The following LRP1B variants were observed in gnomAD, a reference collection of about 807,000 sequenced individuals.
LRP1B encodes the protein LDL receptor related protein 1B.
A neutral mutation model predicts 556.6 loss-of-function variants in LRP1B; 217 were observed. That is an observed-to-expected ratio of 0.39 (90% CI 0.35 to 0.44). The LOEUF is 0.44. Ranked by LOEUF, LRP1B falls within the 20% of genes least tolerant of loss-of-function variation. LRP1B has a pLI of 1.00. For synonymous variants in LRP1B, 2,047 were observed against 1,865.8 expected (o/e 1.10, Z -2.50); for missense variants, 5,053 against 5,620.8 (o/e 0.90, Z 3.23).
intron 15 of LRP1B, among the ~76,000 whole-genome samples, chr2:140,995,493 A>G (rs542104311): frequency 1.3e-5 from 2 of 152,164 alleles, no homozygotes; most frequent in East Asian, 3.9e-4. Flanking sequence ...ATACCACTTT[A>G]TATTTATGCT....
At chr2:141,053,866 C>T (rs538929422) in intron 10 of LRP1B, among the ~76,000 whole-genome samples, 33 of 150,582 alleles carry the variant, frequency 2.2e-4, no homozygotes, top group Admixed American at 4.0e-4. Context: ...TTCCCAAGTG[C>T]CATCCAGATC....
chr2:142,125,607 C>T (rs1242055427), intron 1 of LRP1B, among the ~76,000 whole-genome samples: 1 of 151,560 alleles, frequency 6.6e-6, no homozygotes, highest in African/African-American at 2.4e-5. Flanking sequence ...TAAAAATCTC[C>T]ATCCAAAATA....
intron 12 of LRP1B, among the ~76,000 whole-genome samples, chr2:141,016,167 A>G (rs1290057161): frequency 6.6e-6 from 1 of 152,108 alleles, no homozygotes; most frequent in East Asian, 1.9e-4. Flanking sequence ...TACTGGCTTC[A>G]TGCATTAATG....
At chr2:141,124,594 T>G (rs182387455) in intron 7 of LRP1B, among the ~76,000 whole-genome samples, 1 of 150,570 alleles carries the variant, frequency 6.6e-6, no homozygotes, top group East Asian at 2.0e-4. Flanking sequence ...TTTTCCAGCT[T>G]ACCTTTTACA....
chr2:140,922,276 T>C (rs1694757602), intron 21 of LRP1B, among the ~76,000 whole-genome samples: 1 of 106,566 alleles, frequency 9.4e-6, no homozygotes, highest in African/African-American at 2.8e-5. Context: ...GGTTTCCTAT[T>C]TGTATACACA....
chr2:141,862,696 C>T (rs926347249), intron 1 of LRP1B, among the ~76,000 whole-genome samples: 5 of 152,168 alleles, frequency 3.3e-5, no homozygotes, highest in African/African-American at 1.2e-4. Flanking sequence ...CATAAGCCAC[C>T]TTGCCCAGCA....
chr2:141,009,474 G>A (rs906490220), intron 14 of LRP1B, among the ~76,000 whole-genome samples: 1 of 151,806 alleles, frequency 6.6e-6, no homozygotes, highest in African/African-American at 2.4e-5. Context: ...ACTTATGTAA[G>A]TGTGTGTGTG....
At chr2:141,939,462 G>A (rs1700729780) in intron 1 of LRP1B, among the ~76,000 whole-genome samples, 1 of 151,972 alleles carries the variant, frequency 6.6e-6, no homozygotes, top group Non-Finnish European at 1.5e-5. Flanking sequence ...CAAACTCCAT[G>A]GTGTGTAAGA....
chr2:140,378,461 T>A (rs1043427821), intron 67 of LRP1B, among the ~76,000 whole-genome samples, 175 bp from the exon 68 acceptor site: 1 of 152,270 alleles, frequency 6.6e-6, no homozygotes, highest in South Asian at 2.1e-4. Flanking sequence ...ATATAATAAT[T>A]TTTCCAATTT....
At chr2:141,718,577 A>G (rs1421375310) in intron 2 of LRP1B, among the ~76,000 whole-genome samples, 1 of 152,222 alleles carries the variant, frequency 6.6e-6, no homozygotes, top group Non-Finnish European at 1.5e-5. Context: ...GTTCGTCTTC[A>G]TAGTGAGGGC....
chr2:141,015,570 A>T (rs1573983187), intron 13 of LRP1B, 126 bp downstream of exon 13: 1 of 747,920 alleles, frequency 1.3e-6, no homozygotes, highest in East Asian at 2.7e-5. Flanking sequence ...CAGCCACCCC[A>T]TGGAGACTAT....
chr2:141,879,413 A>G (rs994255576), intron 1 of LRP1B, among the ~76,000 whole-genome samples: 1 of 152,006 alleles, frequency 6.6e-6, no homozygotes, highest in Non-Finnish European at 1.5e-5. Flanking sequence ...ACAGACAAAA[A>G]TACATTAATT....
intron 6 of LRP1B, among the ~76,000 whole-genome samples, chr2:141,192,839 T>A (rs1489189708): frequency 1.3e-5 from 2 of 151,994 alleles, no homozygotes; most frequent in Non-Finnish European, 2.9e-5. Context: ...AAGTAGTATA[T>A]AAATACAAGC....
intron 2 of LRP1B, among the ~76,000 whole-genome samples, chr2:141,560,266 C>T (rs1686098100): frequency 6.6e-6 from 1 of 151,722 alleles, no homozygotes; most frequent in Non-Finnish European, 1.5e-5. Context: ...CTTCATTCTC[C>T]TTTCCCCAAG....
intron 9 of LRP1B, among the ~76,000 whole-genome samples, chr2:141,056,753 T>C (rs1391235405): frequency 6.6e-6 from 1 of 151,926 alleles, no homozygotes; most frequent in African/African-American, 2.4e-5. Context: ...AAATGTGACC[T>C]GTCTGTCAAT....
At chr2:141,823,108 T>C (rs1696808251) in intron 1 of LRP1B, among the ~76,000 whole-genome samples, 1 of 152,102 alleles carries the variant, frequency 6.6e-6, no homozygotes, top group African/African-American at 2.4e-5. Context: ...GCTTTCCCCA[T>C]CTCTCTTGCT....
chr2:141,070,587 A>G (rs1445086869), intron 7 of LRP1B, among the ~76,000 whole-genome samples: 2 of 152,200 alleles, frequency 1.3e-5, no homozygotes, highest in African/African-American at 2.4e-5. Context: ...GAAAGGATCA[A>G]CAAAATTGAT....
At chr2:141,354,437 G>A (rs1034552094) in intron 3 of LRP1B, among the ~76,000 whole-genome samples, 6 of 151,946 alleles carry the variant, frequency 3.9e-5, no homozygotes, top group Non-Finnish European at 7.4e-5. Context: ...TATACCAAAA[G>A]CTTTATTTTA....
At position 141,596,478 on chromosome 2, in the gene LRP1B, G is replaced by A. The variant is rs192264815; in HGVS notation, c.206-115945C>T. Reference sequence around the variant, plus strand: ...GATGAGTAGATGGATGTAGGTATGCGTTAATAATAGCCTTCTTTTTCTATT... The same window carrying A: ...GATGAGTAGATGGATGTAGGTATGCATTAATAATAGCCTTCTTTTTCTATT... On this transcript the variant is annotated intron_variant, in intron 2 of 90. Coordinates refer to ENST00000389484, the MANE Select transcript of LRP1B (RefSeq NM_018557.3). Among the ~76,000 whole-genome samples, 41 of 152,086 alleles carry A rather than the reference G, an allele frequency of 2.7e-4. 1 individual carries two copies. The highest frequency in any genetic ancestry group is 2.3e-3 in the East Asian group (12 of 5,170).
Sources: allele counts gnomAD v4.1 joint callset (sites outside exome capture counted in the v4.1 genomes callset), GRCh38; gene constraint gnomAD v4.1.1; transcripts MANE v1.5; gene names NCBI Gene and HGNC (gene_info 2026-07-23, HGNC 2026-07-21).